RILPL1: variants seen among roughly 807,000 people sequenced by gnomAD.
The protein encoded by RILPL1 is RILP-like protein 1.
A neutral mutation model predicts 50.3 loss-of-function variants in RILPL1; 33 were observed. That is an observed-to-expected ratio of 0.66 (90% CI 0.50 to 0.88). RILPL1 has a LOEUF of 0.88. Among genes scored for constraint, RILPL1 ranks in the 40% least tolerant of loss-of-function variants. The pLI, the probability that RILPL1 is intolerant of heterozygous loss-of-function variation, is 0.00. For synonymous variants in RILPL1, 205 were observed against 228.6 expected, an observed-to-expected ratio of 0.90 and a Z score of 0.93; for missense variants, 418 against 542.5, an observed-to-expected ratio of 0.77 and a Z score of 2.28.
Position 123,501,906 on chromosome 12 carries a change from T to C in RILPL1, c.461-2370A>G, listed in dbSNP as rs573461880. On this transcript the variant is annotated intron_variant, in intron 2 of 6. Coordinates refer to ENST00000376874, the MANE Select transcript of RILPL1 (RefSeq NM_178314.5). ...ACCTGACCAACATGGAGAAACCCCG[T>C]CTCTACTAAAAATACAAAATTAGCC... Among the ~76,000 whole-genome samples, 425 of 150,722 alleles carry C rather than the reference T, an allele frequency of 2.8e-3. 2 individuals carry two copies. The highest frequency in any genetic ancestry group is 4.9e-3 in the Non-Finnish European group (332 of 67,714).
intron 1 of RILPL1, among the ~76,000 whole-genome samples, chr12:123,526,008 A>T (rs1052654695): frequency 3.3e-5 from 5 of 152,126 alleles, no homozygotes; most frequent in African/African-American, 1.2e-4. Flanking sequence ...TTGTCTGTAT[A>T]AAACAGTGGT....
intron 2 of RILPL1, among the ~76,000 whole-genome samples, chr12:123,520,659 T>C (rs1242968338): frequency 6.6e-6 from 1 of 152,182 alleles, no homozygotes; most frequent in African/African-American, 2.4e-5. Context: ...CAGGCTTACT[T>C]TGCTGCTAGA....
In RILPL1 at chr12:123,498,385, A is replaced by G. The variant is rs1883165240; in HGVS notation, c.801+159T>C. 6.6e-6 allele frequency among the ~76,000 whole-genome samples: 1 copy of G among 152,068 alleles called. No homozygotes were observed. Among genetic ancestry groups the G allele is most frequent in the African/African-American group, 2.4e-5 (1 of 41,412 alleles). On this transcript the variant is annotated intron_variant, in intron 4 of 6. Coordinates refer to ENST00000376874, the MANE Select transcript of RILPL1 (RefSeq NM_178314.5). The surrounding 1 kb of genome is among the most constrained non-coding windows in gnomAD (Gnocchi z 4.3). ...CAGGTGTGCACCACCACGCGTGGCTAATTAAAAAAAATGTTTGTAGAGAAT... is the reference window on the plus strand; with the variant it reads ...CAGGTGTGCACCACCACGCGTGGCTGATTAAAAAAAATGTTTGTAGAGAAT...
intron 4 of RILPL1, among the ~76,000 whole-genome samples, chr12:123,486,373 C>T (rs990642903): frequency 6.6e-6 from 1 of 152,150 alleles, no homozygotes; most frequent in Non-Finnish European, 1.5e-5. Context: ...TCGGCCATTT[C>T]TCTGTGATGC....
At chr12:123,505,826 C>T (rs961077343) in intron 2 of RILPL1, among the ~76,000 whole-genome samples, 3 of 151,976 alleles carry the variant, frequency 2.0e-5, no homozygotes, top group South Asian at 2.1e-4. Context: ...GGTCTTGCCA[C>T]GTTGCCCAGG....
chr12:123,529,553 AGGTGT>A (rs780455992), intron 1 of RILPL1, among the ~76,000 whole-genome samples: 7 of 151,298 alleles, frequency 4.6e-5, no homozygotes, highest in Non-Finnish European at 8.8e-5. Context: ...CTGGGATTAC[AGGTGT>A]GAAACACTGT....
chr12:123,472,791 C>A (rs1292074029), intron 6 of RILPL1, 109 bp from the exon 7 acceptor site: 1 of 1,210,742 alleles, frequency 8.3e-7, no homozygotes, highest in Non-Finnish European at 1.2e-6. Flanking sequence ...GGGAGCAAAT[C>A]AATTCAAGGT....
At chr12:123,518,559 G>A (rs922945429) in intron 2 of RILPL1, among the ~76,000 whole-genome samples, 2 of 149,580 alleles carry the variant, frequency 1.3e-5, no homozygotes, top group Admixed American at 6.7e-5. Flanking sequence ...TAAAATGTAC[G>A]TTAGATTTTT....
At chr12:123,501,837 G>A (rs1333173452) in intron 2 of RILPL1, among the ~76,000 whole-genome samples, 7 of 151,562 alleles carry the variant, frequency 4.6e-5, no homozygotes, top group African/African-American at 9.7e-5. Flanking sequence ...AGCACTCTGG[G>A]TGGCCCAGGC....
At chr12:123,509,302 G>A (rs1241260584) in intron 2 of RILPL1, among the ~76,000 whole-genome samples, 1 of 152,184 alleles carries the variant, frequency 6.6e-6, no homozygotes, top group East Asian at 1.9e-4. Context: ...GGTGGCTCAC[G>A]CCTACAACGC....
chr12:123,513,868 C>T (rs554410938), intron 2 of RILPL1: 1 of 152,222 alleles, frequency 6.6e-6, no homozygotes, highest in South Asian at 2.1e-4. Context: ...TGGAGAAGCT[C>T]GTCCGTGGCC....
Position 123,533,652 on chromosome 12 carries a change from G to T in RILPL1, c.-170C>A. ...GGGCGGCGGGCGCGGGCGCGGGCACGGGCGGCGGCGCGGGGTGTGCGGGCC... is the reference window on the plus strand; with the variant it reads ...GGGCGGCGGGCGCGGGCGCGGGCACTGGCGGCGGCGCGGGGTGTGCGGGCC... On this transcript the variant is annotated 5_prime_UTR_variant, in exon 1 of 7. Coordinates refer to ENST00000376874, the MANE Select transcript of RILPL1 (RefSeq NM_178314.5). This position sits in a 1 kb window ranked among gnomAD's most constrained non-coding sequence, Gnocchi z 6.2. 4.1e-6 allele frequency: 1 copy of T among 243,222 alleles called. No individual in the cohort carries two copies. Among genetic ancestry groups the T allele is most frequent in the South Asian group, 1.4e-4 (1 of 7,294 alleles). 15.1% of individuals were successfully genotyped at this position (243,222 alleles called of 1,614,324 possible).
Position 123,521,581 on chromosome 12 carries a change from A to ATGTG in RILPL1, c.460+1910_460+1913dup, listed in dbSNP as rs1193695254. 3.9e-3 allele frequency among the ~76,000 whole-genome samples: 48 copies of ATGTG among 12,400 alleles called. 1 individual carries two copies. The highest frequency in any genetic ancestry group is 0.02 in the South Asian group (2 of 100). 8.1% of individuals were successfully genotyped at this position (12,400 alleles called of 152,430 possible). Reference sequence around the variant, plus strand: ...TATATATTAATATATATACACACATATGTGTATATATATATTAATATATAT... The same window carrying ATGTG: ...TATATATTAATATATATACACACATATGTGTGTGTATATATATATTAATATATAT... On this transcript the variant is annotated intron_variant, in intron 2 of 6. Transcript: ENST00000376874.
At chr12:123,504,333 T>G (rs1443250031) in intron 2 of RILPL1, among the ~76,000 whole-genome samples, 1 of 151,712 alleles carries the variant, frequency 6.6e-6, no homozygotes, top group East Asian at 1.9e-4. Flanking sequence ...CCCCCCCGGG[T>G]GCGCCATTGC....
At position 123,485,346 on chromosome 12, in the gene RILPL1, G is replaced by A. The variant is rs1430872270; in HGVS notation, c.974+287C>T. The stretch of plus-strand genomic sequence containing the variant: ...CATTTAAAAAAAGAGATGAGGTCTC[G>A]CTTTGTTGCCCAGGCTAGTCTCGAA... On this transcript the variant is annotated intron_variant, in intron 5 of 6. Coordinates refer to ENST00000376874, the MANE Select transcript of RILPL1 (RefSeq NM_178314.5). This position sits in a 1 kb window ranked among gnomAD's most constrained non-coding sequence, Gnocchi z 4.0. The A allele has an allele frequency of 7.8e-6, 4 of 509,862 alleles. No homozygotes were observed. The East Asian group carries it at 1.3e-4, about 17-fold the overall frequency. 31.6% of individuals were successfully genotyped at this position (509,862 alleles called of 1,614,324 possible).
intron 1 of RILPL1, among the ~76,000 whole-genome samples, chr12:123,528,404 A>C (rs1337944028): frequency 6.8e-6 from 1 of 146,744 alleles, no homozygotes. Flanking sequence ...TGAGCCACTA[A>C]GTTTGTGTTG....
chr12:123,525,095 G>A (rs1178449803), intron 1 of RILPL1, among the ~76,000 whole-genome samples: 1 of 152,080 alleles, frequency 6.6e-6, no homozygotes, highest in Non-Finnish European at 1.5e-5. Context: ...TTATGCTACT[G>A]CACTCCAGCC....
At chr12:123,530,979 G>C (rs968108694) in intron 1 of RILPL1, among the ~76,000 whole-genome samples, 1 of 149,868 alleles carries the variant, frequency 6.7e-6, no homozygotes, top group Non-Finnish European at 1.5e-5. Flanking sequence ...ATTGCTGAAA[G>C]CGAGAGAGAC....
intron 2 of RILPL1, among the ~76,000 whole-genome samples, chr12:123,518,929 T>C (rs1884863645): frequency 6.6e-6 from 1 of 151,670 alleles, no homozygotes. Flanking sequence ...TGGTGGCACG[T>C]GCCTGTGGTC....
Sources: gnomAD v4.1 joint callset for allele counts (sites outside exome capture counted in the v4.1 genomes callset) on GRCh38, gnomAD v4.1.1 for gene constraint, Gnocchi (gnomAD v3.1) non-coding constraint, MANE v1.5 for transcripts, NCBI Gene and HGNC (gene_info 2026-07-23, HGNC 2026-07-21) for gene names.